Variants in SEMA3E observed in about 807,000 individuals in gnomAD.
SEMA3E encodes semaphorin-3E.
Under a neutral mutation model 93.6 loss-of-function variants are expected in SEMA3E, and 49 were observed. The ratio of observed to expected loss-of-function variants is 0.52; its 90% CI spans 0.42 to 0.66. SEMA3E has a LOEUF of 0.66. SEMA3E is among the 30% of genes least tolerant of loss of function. The pLI is 0.00. For missense variants in SEMA3E, 906 were observed against 964.8 expected (o/e 0.94, Z 0.81); for synonymous variants, 363 against 330.7 (o/e 1.10, Z -1.06).
At chr7:83,451,146 G>C (rs937362410) in intron 4 of SEMA3E, among the ~76,000 whole-genome samples, 1 of 152,090 alleles carries the variant, frequency 6.6e-6, no homozygotes, top group Non-Finnish European at 1.5e-5. Flanking sequence ...GGACAGGTTT[G>C]CTTCCACTTC....
chr7:83,534,495 G>A (rs913676939), intron 1 of SEMA3E, among the ~76,000 whole-genome samples: 3 of 151,988 alleles, frequency 2.0e-5, no homozygotes, highest in Admixed American at 1.3e-4. Flanking sequence ...TTTTAAGAAT[G>A]ATATTAATAG....
chr7:83,646,624 A>T (rs1390088411), intron 1 of SEMA3E, among the ~76,000 whole-genome samples: 1 of 152,120 alleles, frequency 6.6e-6, no homozygotes, highest in Non-Finnish European at 1.5e-5. Flanking sequence ...ACATATAGAT[A>T]CTAGCGGTTT....
chr7:83,468,126 C>T (rs1432100859), intron 3 of SEMA3E, among the ~76,000 whole-genome samples: 1 of 152,116 alleles, frequency 6.6e-6, no homozygotes, highest in Non-Finnish European at 1.5e-5. Context: ...TATCCTATAA[C>T]AGTATTAGGA....
At chr7:83,559,543 G>A (rs118003309) in intron 1 of SEMA3E, among the ~76,000 whole-genome samples, 2 of 151,874 alleles carry the variant, frequency 1.3e-5, no homozygotes, top group Non-Finnish European at 2.9e-5. Context: ...CTCTTAGAAT[G>A]GCCAAAATCC....
rs773688938 is a variant in SEMA3E, at chr7:83,490,124, C to T, written c.266G>A (p.Gly89Asp). ...TTGATATTTCTATACCTCTTTATAG[C>T]CGTCACTGATTCTCTCCAAGCTGAG... ...YSLSLERISD[G>D]YKEIHWPSTA... Residue 89 changes from glycine to aspartate, a missense_variant, in exon 2 of 17, where the codon GGC (glycine) becomes GAC (aspartate). Physicochemically the swap from Gly to Asp is moderately conservative, Grantham distance 94 (BLOSUM62 -1). Transcript: ENST00000643230. The T allele has an allele frequency of 2.2e-5, 36 of 1,612,568 alleles. No homozygotes were observed. In the Admixed American group the frequency reaches 6.0e-4, roughly 27 times the overall value.
intron 1 of SEMA3E, among the ~76,000 whole-genome samples, chr7:83,511,285 G>GTTTTTTTTTTTTTTTT (rs5885362): frequency 7.0e-6 from 1 of 143,880 alleles, no homozygotes. Flanking sequence ...TCTTAAATAT[G>GTTTTTTTTTTTTTTTT]TTTTTTTTTT....
At chr7:83,413,824 A>G (rs1315735416) in intron 5 of SEMA3E, among the ~76,000 whole-genome samples, 1 of 151,574 alleles carries the variant, frequency 6.6e-6, no homozygotes, top group Non-Finnish European at 1.5e-5. Context: ...CCATGGCTGT[A>G]CTCTTGAGTT....
intron 11 of SEMA3E, among the ~76,000 whole-genome samples, chr7:83,398,079 A>G (rs1211641610): frequency 6.6e-6 from 1 of 152,166 alleles, no homozygotes; most frequent in Non-Finnish European, 1.5e-5. Context: ...GGGATTTTTC[A>G]ATGTTGTACC....
rs1465726986 is a variant in SEMA3E, at chr7:83,544,808, T to TAAAGGGA, written c.116-54535_116-54534insTCCCTTT. ...GTAGTTTCATATTGTTTCCATCTCATCTAGGTGGGACCCTTTATGCCACTG... is the reference window on the plus strand; with the variant it reads ...GTAGTTTCATATTGTTTCCATCTCATAAAGGGACTAGGTGGGACCCTTTATGCCACTG... On this transcript the variant is annotated intron_variant, in intron 1 of 16. Coordinates refer to ENST00000643230, the MANE Select transcript of SEMA3E (RefSeq NM_012431.3). Among the ~76,000 whole-genome samples the TAAAGGGA allele has an allele frequency of 7.8e-4, 119 of 152,196 alleles. 1 individual carries two copies. The East Asian group carries it at 0.021, about 27-fold the overall frequency.
At chr7:83,523,647 G>C (rs972671491) in intron 1 of SEMA3E, among the ~76,000 whole-genome samples, 1 of 151,706 alleles carries the variant, frequency 6.6e-6, no homozygotes, top group African/African-American at 2.4e-5. Context: ...TCCCTCTCTG[G>C]CCAATCACCC....
chr7:83,426,179 A>G (rs185477518), intron 4 of SEMA3E, among the ~76,000 whole-genome samples: 99 of 152,342 alleles, frequency 6.5e-4, no homozygotes, highest in Non-Finnish European at 4.1e-4. Flanking sequence ...ATTTCTCAAA[A>G]AACTTAAATC....
intron 1 of SEMA3E, among the ~76,000 whole-genome samples, chr7:83,574,011 C>A (rs1002725549): frequency 1.3e-5 from 2 of 151,988 alleles, no homozygotes; most frequent in Non-Finnish European, 2.9e-5. Context: ...AAAATATGCT[C>A]TCTTTAATCT....
Position 83,418,408 on chromosome 7 carries a change from A to G in SEMA3E, c.532T>C (p.Phe178Leu). The change falls in exon 5 of 17, where the codon TTC becomes CTC. Residue 178 changes from phenylalanine to leucine, a missense_variant. Coordinates refer to ENST00000643230, the MANE Select transcript of SEMA3E (RefSeq NM_012431.3). Reference sequence around the variant, plus strand: ...CAATTACCAATTAAAGTGGAGATGAAGGAGGAGCTGGGGTCAAAAGGACAT... The same window carrying G: ...CAATTACCAATTAAAGTGGAGATGAGGGAGGAGCTGGGGTCAAAAGGACAT... ...GRCPFDPSSS[F>L]ISTLIGSELF... is the part of the protein sequence containing the mutation. 6.2e-7 allele frequency: 1 copy of G among 1,610,914 alleles called. No individual in the cohort carries two copies. Among genetic ancestry groups the G allele is most frequent in the Non-Finnish European group, 8.5e-7 (1 of 1,178,112 alleles).
intron 4 of SEMA3E, among the ~76,000 whole-genome samples, chr7:83,432,689 T>C (rs921165026): frequency 2.0e-5 from 3 of 152,190 alleles, no homozygotes; most frequent in Admixed American, 6.5e-5. Flanking sequence ...ATTAGTGCCA[T>C]GATTTTGAAG....
At chr7:83,418,720 G>T (rs760557709) in intron 4 of SEMA3E, among the ~76,000 whole-genome samples, 19 of 152,042 alleles carry the variant, frequency 1.2e-4, no homozygotes, top group Non-Finnish European at 2.2e-4. Context: ...AAAGAAAATA[G>T]CACTTTTTAA....
intron 11 of SEMA3E, among the ~76,000 whole-genome samples, chr7:83,397,039 A>C (rs2709924): frequency 0.57 from 86,249 of 151,056 alleles, 28,306 homozygotes; most frequent in East Asian, 0.85. Context: ...CAAGATCATG[A>C]CACTGCACTA....
chr7:83,493,738 C>G (rs904053791), intron 1 of SEMA3E, among the ~76,000 whole-genome samples: 1 of 151,890 alleles, frequency 6.6e-6, no homozygotes, highest in African/African-American at 2.4e-5. Context: ...AATCATAGCA[C>G]TAACTAGAGT....
intron 4 of SEMA3E, among the ~76,000 whole-genome samples, chr7:83,457,171 T>C (rs1789502236): frequency 6.6e-6 from 1 of 152,140 alleles, no homozygotes; most frequent in African/African-American, 2.4e-5. Flanking sequence ...CTTTTCAAGT[T>C]ATTTTGGGAA....
At chr7:83,638,977 G>A (rs1408028776) in intron 1 of SEMA3E, among the ~76,000 whole-genome samples, 2 of 150,324 alleles carry the variant, frequency 1.3e-5, no homozygotes, top group Non-Finnish European at 3.0e-5. Flanking sequence ...CGGGCGTAGT[G>A]GCGGGCGCCT....
Sources: gnomAD v4.1 joint callset for allele counts (sites outside exome capture counted in the v4.1 genomes callset) on GRCh38, gnomAD v4.1.1 for gene constraint, MANE v1.5 for transcripts, NCBI Gene and HGNC (gene_info 2026-07-23, HGNC 2026-07-21) for gene names.